PLCB1: variants seen among roughly 807,000 people sequenced by gnomAD.
The protein encoded by PLCB1 is 1-phosphatidylinositol 4,5-bisphosphate phosphodiesterase beta-1.
Under a neutral mutation model 161.8 loss-of-function variants are expected in PLCB1, and 46 were observed. That is an observed-to-expected ratio of 0.28 (90% CI 0.22 to 0.36). The LOEUF (loss-of-function observed/expected upper bound fraction) is 0.36, where lower values mean the gene tolerates loss of function less well. PLCB1 is among the 10% of genes least tolerant of loss of function. The probability of loss-of-function intolerance (pLI) is 1.00; values close to 1 mark genes in which losing one functional copy is unlikely to be tolerated. For missense variants in PLCB1, 1,016 were observed against 1,472.5 expected, an observed-to-expected ratio of 0.69 and a Z score of 5.07; for synonymous variants, 517 against 503.7, an observed-to-expected ratio of 1.03 and a Z score of -0.35.
Position 8,168,251 on chromosome 20 carries a change from A to G in PLCB1, c.177+17880A>G, listed in dbSNP as rs1489436630. On this transcript the variant is annotated intron_variant, in intron 2 of 31. Transcript: ENST00000338037. The stretch of plus-strand genomic sequence containing the variant: ...GCAAAGAGGCATGGTTACAGTGAGA[A>G]GAATAATTTGTGACTGTTTTTGAAT... 3.9e-5 allele frequency among the ~76,000 whole-genome samples: 6 copies of G among 152,378 alleles called. No individual in the cohort carries two copies. The East Asian group carries it at 9.6e-4, about 24-fold the overall frequency.
chr20:8,853,258 G>A (rs4816098), intron 31 of PLCB1, among the ~76,000 whole-genome samples: 49,149 of 151,956 alleles, frequency 0.32, 8,862 homozygotes, highest in East Asian at 0.63. Flanking sequence ...AAAATTAAAT[G>A]CCCAGATAAA....
chr20:8,531,491 G>A (rs1276102442), intron 3 of PLCB1, among the ~76,000 whole-genome samples: 2 of 151,984 alleles, frequency 1.3e-5, no homozygotes, highest in Non-Finnish European at 2.9e-5. Context: ...ATTTATATAT[G>A]TATGTATGCA....
chr20:8,477,372 G>A (rs111533386), intron 3 of PLCB1, among the ~76,000 whole-genome samples: 8 of 152,188 alleles, frequency 5.3e-5, no homozygotes, highest in African/African-American at 1.2e-4. Flanking sequence ...AAAGGAAGAC[G>A]GGCAGACATA....
chr20:8,779,936 G>C (rs1983130182), intron 27 of PLCB1, among the ~76,000 whole-genome samples: 1 of 152,174 alleles, frequency 6.6e-6, no homozygotes, highest in African/African-American at 2.4e-5. Flanking sequence ...GGTTGCTTTA[G>C]TCGGAAGTGA....
intron 3 of PLCB1, among the ~76,000 whole-genome samples, chr20:8,447,854 C>T (rs1000215098): frequency 2.6e-5 from 4 of 152,156 alleles, no homozygotes; most frequent in East Asian, 1.9e-4. Flanking sequence ...CACAACATGA[C>T]CCTTAATTTC....
intron 2 of PLCB1, among the ~76,000 whole-genome samples, chr20:8,258,836 G>T (rs1981552926): frequency 6.6e-6 from 1 of 151,970 alleles, no homozygotes; most frequent in South Asian, 2.1e-4. Flanking sequence ...AGAGTAAAAG[G>T]TACCTGTATG....
intron 3 of PLCB1, among the ~76,000 whole-genome samples, chr20:8,491,764 G>A (rs937973484): frequency 6.6e-6 from 1 of 152,064 alleles, no homozygotes; most frequent in Admixed American, 6.6e-5. Flanking sequence ...CAGAATCCCT[G>A]GGTTCTCCTT....
chr20:8,856,470 G>T (rs1987070438), intron 31 of PLCB1, among the ~76,000 whole-genome samples: 1 of 152,006 alleles, frequency 6.6e-6, no homozygotes, highest in Non-Finnish European at 1.5e-5. Context: ...ACAAAAATTA[G>T]CTGGGCGTGG....
At chr20:8,810,297 T>C (rs1984749446) in intron 31 of PLCB1, among the ~76,000 whole-genome samples, 1 of 152,138 alleles carries the variant, frequency 6.6e-6, no homozygotes, top group Non-Finnish European at 1.5e-5. Flanking sequence ...CATGGAAAAT[T>C]CTTGAGAGCT....
At chr20:8,159,774 G>C (rs2051601685) in intron 2 of PLCB1, among the ~76,000 whole-genome samples, 1 of 151,800 alleles carries the variant, frequency 6.6e-6, no homozygotes, top group Non-Finnish European at 1.5e-5. Flanking sequence ...GATCACCTGA[G>C]GTTGGGAGTT....
chr20:8,201,262 T>C (rs565618525), intron 2 of PLCB1, among the ~76,000 whole-genome samples: 1 of 152,124 alleles, frequency 6.6e-6, no homozygotes, highest in African/African-American at 2.4e-5. Context: ...AGGACCCCCC[T>C]CCAGCAATAG....
chr20:8,628,475 A>G, intron 4 of PLCB1, 44 bp downstream of exon 4: 6 of 1,604,236 alleles, frequency 3.7e-6, no homozygotes, highest in South Asian at 2.2e-5. Context: ...CATGATCTGA[A>G]TCCTTGAGCT....
At chr20:8,754,344 GT>G (rs1193486027) in intron 23 of PLCB1, among the ~76,000 whole-genome samples, 1 of 149,018 alleles carries the variant, frequency 6.7e-6, no homozygotes, top group Non-Finnish European at 1.5e-5. Context: ...GTTGGATCCA[GT>G]TTGAATGCAC....
At chr20:8,334,202 T>C (rs1035889286) in intron 2 of PLCB1, among the ~76,000 whole-genome samples, 20 of 147,974 alleles carry the variant, frequency 1.4e-4, no homozygotes, top group African/African-American at 5.0e-4. Flanking sequence ...GGAGTGAAAC[T>C]CCACCTCAAA....
chr20:8,456,551 A>G (rs1412420788), intron 3 of PLCB1, among the ~76,000 whole-genome samples: 1 of 152,196 alleles, frequency 6.6e-6, no homozygotes, highest in Non-Finnish European at 1.5e-5. Context: ...CACAAGTTTT[A>G]TGAGAAAAAT....
chr20:8,256,858 T>C (rs1981446856), intron 2 of PLCB1: 1 of 152,146 alleles, frequency 6.6e-6, no homozygotes, highest in Non-Finnish European at 1.5e-5. Context: ...GTAGAAGACT[T>C]ACTTAAACTG....
intron 3 of PLCB1, among the ~76,000 whole-genome samples, chr20:8,478,373 A>G (rs960748103): frequency 6.6e-6 from 1 of 151,914 alleles, no homozygotes; most frequent in African/African-American, 2.4e-5. Context: ...ACTGAGCAGA[A>G]AAAAAAAATT....
intron 31 of PLCB1, chr20:8,802,130 C>T (rs267606064): frequency 6.2e-7 from 1 of 1,612,716 alleles, no homozygotes; most frequent in South Asian, 1.1e-5. Flanking sequence ...TTACTCCCCC[C>T]AACCCTCAAG....
At chr20:8,377,290 C>T (rs1042565074) in intron 3 of PLCB1, among the ~76,000 whole-genome samples, 5 of 152,138 alleles carry the variant, frequency 3.3e-5, no homozygotes, top group Non-Finnish European at 4.4e-5. Context: ...GGAGAGCATT[C>T]CTCTTTGCCG....
Sources: gnomAD v4.1 joint callset for allele counts (sites outside exome capture counted in the v4.1 genomes callset) on GRCh38, gnomAD v4.1.1 for gene constraint, MANE v1.5 for transcripts, NCBI Gene and HGNC (gene_info 2026-07-23, HGNC 2026-07-21) for gene names.